The following HHIPL1 variants were observed in gnomAD, a reference collection of about 807,000 sequenced individuals.
The protein encoded by HHIPL1 is HHIP-like protein 1.
In HHIPL1, 43 loss-of-function variants were observed where a neutral mutation model predicts 61.8. The observed-to-expected ratio is 0.70, with a 90% CI of 0.55 to 0.90. The LOEUF is 0.90. Ranked by LOEUF, HHIPL1 falls within the 40% of genes least tolerant of loss-of-function variation. The probability of loss-of-function intolerance (pLI) is 0.00; values close to 1 mark genes in which losing one functional copy is unlikely to be tolerated. For synonymous variants in HHIPL1, 482 were observed against 515.8 expected, an observed-to-expected ratio of 0.93 and a Z score of 0.89; for missense variants, 1,056 against 1,157.7, an observed-to-expected ratio of 0.91 and a Z score of 1.28.
rs1029112823 is a variant in HHIPL1, at chr14:99,677,096, C to T, written c.*1470C>T. ...CTCCTAGCTGCTAGTATAGGGTCTCCTAGCCACTAGTATAGGATCCTGGGC... is the reference window on the plus strand; with the variant it reads ...CTCCTAGCTGCTAGTATAGGGTCTCTTAGCCACTAGTATAGGATCCTGGGC... On this transcript the variant is annotated 3_prime_UTR_variant, in exon 9 of 9. Coordinates refer to ENST00000330710, the MANE Select transcript of HHIPL1 (RefSeq NM_001127258.3). This position sits in a 1 kb window ranked among gnomAD's most constrained non-coding sequence, Gnocchi z 4.3. 2.3e-4 allele frequency: 35 copies of T among 152,366 alleles called. No homozygotes were observed. The highest frequency in any genetic ancestry group is 7.7e-4 in the African/African-American group (32 of 41,414). The allele number at this position is 152,366 out of a possible 1,614,324, so 9.4% of individuals were successfully genotyped here. A position where few individuals can be genotyped will look rare whatever the true frequency, so the allele number is the denominator to read the frequency against.
the HHIPL1 span, among the ~76,000 whole-genome samples, chr14:99,638,686 G>A: frequency 6.6e-6 from 1 of 152,214 alleles, no homozygotes; most frequent in Non-Finnish European, 1.5e-5. Context: ...TGGGGAATTT[G>A]AAGCAGGGCC....
the HHIPL1 span, among the ~76,000 whole-genome samples, chr14:99,637,220 G>GAA: frequency 7.0e-5 from 9 of 129,174 alleles, no homozygotes; most frequent in East Asian, 2.2e-4. Flanking sequence ...AAGAAAGAAA[G>GAA]AAAGAAAGAA....
chr14:99,666,224 A>G lies in HHIPL1; in HGVS notation c.1649-1998A>G, dbSNP rs189157655. On this transcript the variant is annotated intron_variant, in intron 6 of 8. Coordinates refer to ENST00000330710, the MANE Select transcript of HHIPL1 (RefSeq NM_001127258.3). ...ATGGGAAAGAGAGATTCTAGTTTCTATGGCACCTCGGGGGAGAACAGGACT... is the reference window on the plus strand; with the variant it reads ...ATGGGAAAGAGAGATTCTAGTTTCTGTGGCACCTCGGGGGAGAACAGGACT... 1.5e-3 allele frequency among the ~76,000 whole-genome samples: 226 copies of G among 152,316 alleles called. 1 individual carries two copies. Among genetic ancestry groups the G allele is most frequent in the African/African-American group, 5.1e-3 (211 of 41,572 alleles).
At chr14:99,651,608 A>G (rs1222587877) in intron 1 of HHIPL1, among the ~76,000 whole-genome samples, 3 of 151,972 alleles carry the variant, frequency 2.0e-5, no homozygotes, top group Non-Finnish European at 4.4e-5. Context: ...CTCCTCCAAC[A>G]CTGGGGGTTA....
intron 6 of HHIPL1, among the ~76,000 whole-genome samples, chr14:99,667,342 T>G: frequency 6.7e-6 from 1 of 150,326 alleles, no homozygotes; most frequent in African/African-American, 2.4e-5. Context: ...TTCTCAGCTG[T>G]GAGGTAGGAA....
At position 99,660,375 on chromosome 14, in the gene HHIPL1, G is replaced by A; in HGVS notation, c.1471G>A (p.Gly491Ser). The A allele has an allele frequency of 6.2e-7, 1 of 1,613,844 alleles. No individual in the cohort carries two copies. The highest frequency in any genetic ancestry group is 8.5e-7 in the Non-Finnish European group (1 of 1,179,808). Residue 491 changes from glycine (G) to serine (S), a missense_variant, in exon 5 of 9, where the codon GGC (glycine) becomes AGC (serine). Transcript: ENST00000330710. The surrounding 1 kb of genome is among the most constrained non-coding windows in gnomAD (Gnocchi z 4.9). ...YRGCEYPNLN[G>S]LYIFGDFMSG... ...GGGCTGCGAGTACCCCAACCTGAAC[G>A]GCCTCTACATTTTTGGGGATTTCAT...
At chr14:99,607,049 G>GTTTT in the HHIPL1 span, among the ~76,000 whole-genome samples, 10 of 92,308 alleles carry the variant, frequency 1.1e-4, no homozygotes, top group Non-Finnish European at 1.7e-4. Context: ...TTTTTTTTTG[G>GTTTT]CTAAGACAGG....
At position 99,668,950 on chromosome 14, in the gene HHIPL1, G is replaced by C. The variant is rs778096558; in HGVS notation, c.1730+647G>C. The C allele has an allele frequency of 6.2e-7, 1 of 1,605,746 alleles. No individual in the cohort carries two copies. The highest frequency in any genetic ancestry group is 8.5e-7 in the Non-Finnish European group (1 of 1,174,916). ...ATGAGCACAAAGACACGAAGTCATG[G>C]GCCTGGGGCCCAGGGCCAGGGTGGG... On this transcript the variant is annotated intron_variant, in intron 7 of 8. Transcript: ENST00000330710. This position sits in a 1 kb window ranked among gnomAD's most constrained non-coding sequence, Gnocchi z 4.7.
rs770110281 is a variant in HHIPL1, at chr14:99,659,697, G to GGC, written c.1326_1327dup (p.Glu443AlafsTer48). The GGC allele has an allele frequency of 4.0e-6, 6 of 1,500,314 alleles. No individual in the cohort carries two copies. Among genetic ancestry groups the GGC allele is most frequent in the South Asian group, 1.3e-5 (1 of 75,832 alleles). The allele number at this position is 1,500,314 out of a possible 1,614,324, so 92.9% of individuals were successfully genotyped here. A position where few individuals can be genotyped will look rare whatever the true frequency, so the allele number is the denominator to read the frequency against. ...GTGGAGCGCGGCGGCAACTATGGCT[G>GGC]GCGCGCGCGCGAAGGGTTCGAGTGC... On this transcript the variant is annotated frameshift_variant, in exon 4 of 9. Coordinates refer to ENST00000330710, the MANE Select transcript of HHIPL1 (RefSeq NM_001127258.3). LOFTEE classifies it high-confidence loss of function.
chr14:99,650,497 T>C (rs113098956), intron 1 of HHIPL1, among the ~76,000 whole-genome samples: 1,540 of 151,828 alleles, frequency 0.01, 32 homozygotes, highest in African/African-American at 0.036. Flanking sequence ...GCTGTAGGGG[T>C]AGGGTGCAGG....
the HHIPL1 span, among the ~76,000 whole-genome samples, chr14:99,634,495 G>A: frequency 2.0e-5 from 3 of 152,186 alleles, no homozygotes; most frequent in Non-Finnish European, 4.4e-5. Context: ...TCTCTGAGAG[G>A]GACTTAGAAT....
chr14:99,653,773 G>T (rs1191113120), intron 2 of HHIPL1, among the ~76,000 whole-genome samples: 1 of 152,200 alleles, frequency 6.6e-6, no homozygotes, highest in Non-Finnish European at 1.5e-5. Context: ...TTCAAAATGG[G>T]TCTGACCTGA....
chr14:99,661,939 A>T lies in HHIPL1; in HGVS notation c.1503-937A>T, dbSNP rs77504033. Among the ~76,000 whole-genome samples the T allele has an allele frequency of 9.2e-3, 1,403 of 152,154 alleles. 27 individuals carry two copies. Among genetic ancestry groups the T allele is most frequent in the African/African-American group, 0.032 (1,330 of 41,506 alleles). ...CCTGACCTGGGCCCCTGGAAGTTGGATTCCTCTCCCAGATCCGCCCCTTCC... is the reference window on the plus strand; with the variant it reads ...CCTGACCTGGGCCCCTGGAAGTTGGTTTCCTCTCCCAGATCCGCCCCTTCC... On this transcript the variant is annotated intron_variant, in intron 5 of 8. Transcript: ENST00000330710.
chr14:99,622,495 C>T, the HHIPL1 span, among the ~76,000 whole-genome samples: 1 of 152,376 alleles, frequency 6.6e-6, no homozygotes, highest in South Asian at 2.1e-4. Flanking sequence ...GGTGCTCTCT[C>T]TGGCACCGAC....
At chr14:99,615,744 A>G in the HHIPL1 span, among the ~76,000 whole-genome samples, 2 of 152,134 alleles carry the variant, frequency 1.3e-5, no homozygotes, top group African/African-American at 4.8e-5. Context: ...AGAAAAAAAG[A>G]CATGAGATTC....
the HHIPL1 span, among the ~76,000 whole-genome samples, chr14:99,628,327 C>T: frequency 6.6e-6 from 1 of 152,114 alleles, no homozygotes; most frequent in Admixed American, 6.5e-5. Flanking sequence ...CGCCTGTCAT[C>T]CCAGCTCTTT....
At chr14:99,637,043 GAAAGAAGGAAGGA>G in the HHIPL1 span, among the ~76,000 whole-genome samples, 1 of 90,356 alleles carries the variant, frequency 1.1e-5, no homozygotes, top group Non-Finnish European at 2.4e-5. Context: ...AAGAAAGAAA[GAAAGAAGGAAGGA>G]AGGAAAAAAG....
At position 99,677,930 on chromosome 14, in the gene HHIPL1, C is replaced by G. The variant is rs928202921; in HGVS notation, c.*2304C>G. 2 of 152,358 alleles carry G rather than the reference C, an allele frequency of 1.3e-5. No homozygotes were observed. Among genetic ancestry groups the G allele is most frequent in the African/African-American group, 2.4e-5 (1 of 41,572 alleles). The allele number at this position is 152,358 out of a possible 1,614,324, so 9.4% of individuals were successfully genotyped here. A position where few individuals can be genotyped will look rare whatever the true frequency, so the allele number is the denominator to read the frequency against. On this transcript the variant is annotated 3_prime_UTR_variant, in exon 9 of 9. Coordinates refer to ENST00000330710, the MANE Select transcript of HHIPL1 (RefSeq NM_001127258.3). This position sits in a 1 kb window ranked among gnomAD's most constrained non-coding sequence, Gnocchi z 4.3. ...CTGCAGCCTGCCTCCTGGGGACTCA[C>G]TCCACAGTCCCCAGGTCAGTGGTCC...
rs903752116 is a variant in HHIPL1, at chr14:99,675,393, A to G, written c.2116A>G (p.Ile706Val). 6.6e-7 allele frequency: 1 copy of G among 1,526,260 alleles called. No homozygotes were observed. The highest frequency in any genetic ancestry group is 1.2e-5 in the South Asian group (1 of 83,016). 94.5% of individuals were successfully genotyped at this position (1,526,260 alleles called of 1,614,324 possible). A position where few individuals can be genotyped will look rare whatever the true frequency, so the allele number is the denominator to read the frequency against. ...CACCGTGTGCGACGACTCCTGGAAC[A>G]TCAGCGGCGCCGCCGTCGTGTGTCG... is the stretch of plus-strand genomic sequence containing the variant. ...WGTVCDDSWN[I>V]SGAAVVCRQL... is the part of the protein sequence containing the mutation. Residue 706 changes from isoleucine (I) to valine (V), a missense_variant, in exon 9 of 9, where the codon ATC becomes GTC. By Grantham distance (29) the Ile-to-Val change is conservative. Coordinates refer to ENST00000330710, the MANE Select transcript of HHIPL1 (RefSeq NM_001127258.3). The surrounding 1 kb of genome is among the most constrained non-coding windows in gnomAD (Gnocchi z 5.4).
Sources: gnomAD v4.1 joint callset for allele counts (sites outside exome capture counted in the v4.1 genomes callset) on GRCh38, gnomAD v4.1.1 for gene constraint, Gnocchi (gnomAD v3.1) non-coding constraint, MANE v1.5 for transcripts, NCBI Gene and HGNC (gene_info 2026-07-23, HGNC 2026-07-21) for gene names.